Variants in PRIM2 observed in about 807,000 individuals in gnomAD.
PRIM2 encodes the protein DNA primase large subunit.
A neutral mutation model predicts 67.3 loss-of-function variants in PRIM2; 39 were observed. The ratio of observed to expected loss-of-function variants is 0.58; its 90% CI spans 0.45 to 0.76. The LOEUF (loss-of-function observed/expected upper bound fraction) is 0.76. PRIM2 is among the 30% of genes least tolerant of loss of function. PRIM2 has a pLI of 0.00. For missense variants in PRIM2, 398 were observed against 598.7 expected, an observed-to-expected ratio of 0.66 and a Z score of 3.50; for synonymous variants, 143 against 198.7, an observed-to-expected ratio of 0.72 and a Z score of 2.36.
At chr6:57,249,207 T>G in the PRIM2 span, among the ~76,000 whole-genome samples, 3 of 152,234 alleles carry the variant, frequency 2.0e-5, no homozygotes, top group African/African-American at 7.2e-5. Flanking sequence ...CTAAACTAGC[T>G]TTTCCTTTCC....
chr6:57,619,113 C>T (rs1205237980), intron 12 of PRIM2, among the ~76,000 whole-genome samples: 1 of 152,186 alleles, frequency 6.6e-6, no homozygotes, highest in Non-Finnish European at 1.5e-5. Context: ...GCAGAAACCC[C>T]CAGTACTACC....
chr6:57,531,216 G>A (rs1260915830), intron 8 of PRIM2, among the ~76,000 whole-genome samples: 1 of 152,140 alleles, frequency 6.6e-6, no homozygotes, highest in East Asian at 1.9e-4. Flanking sequence ...GCTCAGGCAT[G>A]ATCATGGCTC....
intron 5 of PRIM2, among the ~76,000 whole-genome samples, chr6:57,378,578 A>G (rs1461213511): frequency 6.6e-6 from 1 of 152,202 alleles, no homozygotes; most frequent in African/African-American, 2.4e-5. Context: ...ATTTGTAGGA[A>G]TACTTTGAGG....
At chr6:57,271,029 C>G in the PRIM2 span, among the ~76,000 whole-genome samples, 1 of 152,082 alleles carries the variant, frequency 6.6e-6, no homozygotes, top group African/African-American at 2.4e-5. Flanking sequence ...ATTTGGTTTG[C>G]CAGTATTTTA....
rs1319396324 is a variant in PRIM2 at position 57,486,310 on chromosome 6, G to T, written c.694-21077G>T. ...TTATTGGAACGTTAAGCTTGTGGGG[G>T]TTATTTATATCCTGCTCATGGTCAT... On this transcript the variant is annotated intron_variant, in intron 7 of 13. Transcript: ENST00000615550. Among the ~76,000 whole-genome samples, 4 of 152,206 alleles carry T rather than the reference G, an allele frequency of 2.6e-5. No homozygotes were observed. In the South Asian group the frequency reaches 8.3e-4, roughly 31 times the overall value.
intron 7 of PRIM2, among the ~76,000 whole-genome samples, chr6:57,397,429 G>C (rs75647598): frequency 6.6e-6 from 1 of 151,952 alleles, no homozygotes; most frequent in Non-Finnish European, 1.5e-5. Context: ...TCAAGCTCTG[G>C]TTTTCTTTCT....
intron 10 of PRIM2, among the ~76,000 whole-genome samples, chr6:57,593,030 T>C (rs1776308347): frequency 3.3e-5 from 5 of 152,168 alleles, no homozygotes. Flanking sequence ...GGGTTGGAAC[T>C]GGATAAAGGT....
chr6:57,337,785 A>T (rs1407580006), intron 5 of PRIM2, among the ~76,000 whole-genome samples: 5 of 152,244 alleles, frequency 3.3e-5, no homozygotes, highest in African/African-American at 1.2e-4. Flanking sequence ...ACACCCTAAC[A>T]TCACAATTAG....
chr6:57,234,916 T>C, the PRIM2 span, among the ~76,000 whole-genome samples: 1 of 152,218 alleles, frequency 6.6e-6, no homozygotes, highest in Non-Finnish European at 1.5e-5. Flanking sequence ...TTTATGCCTG[T>C]CATCTCAACG....
chr6:57,314,388 C>T (rs1049091432), upstream of PRIM2, among the ~76,000 whole-genome samples: 3 of 152,102 alleles, frequency 2.0e-5, no homozygotes, highest in East Asian at 1.9e-4. Context: ...TGGTGGCAGG[C>T]GCCTGTAATC....
At chr6:57,370,563 T>G (rs1351607144) in intron 5 of PRIM2, among the ~76,000 whole-genome samples, 2 of 152,136 alleles carry the variant, frequency 1.3e-5, no homozygotes, top group Non-Finnish European at 2.9e-5. Flanking sequence ...AAAACCAGAA[T>G]ATTTACTCAT....
At chr6:57,416,229 T>G (rs1771257653) in intron 7 of PRIM2, among the ~76,000 whole-genome samples, 1 of 152,256 alleles carries the variant, frequency 6.6e-6, no homozygotes, top group Admixed American at 6.5e-5. Context: ...ATGAAGACAC[T>G]AATCTCCTTG....
intron 10 of PRIM2, among the ~76,000 whole-genome samples, chr6:57,557,515 G>A (rs1424209223): frequency 4.1e-4 from 63 of 152,140 alleles, no homozygotes; most frequent in African/African-American, 1.4e-3. Context: ...ACTAATGCAG[G>A]AACAGAAAAT....
intron 10 of PRIM2, among the ~76,000 whole-genome samples, chr6:57,594,599 G>T (rs1411666657): frequency 6.6e-6 from 1 of 152,210 alleles, no homozygotes; most frequent in Non-Finnish European, 1.5e-5. Context: ...ATGGTGTTCA[G>T]AAAGGTGTTT....
the PRIM2 span, among the ~76,000 whole-genome samples, chr6:57,302,049 C>G: frequency 6.6e-6 from 1 of 152,192 alleles, no homozygotes; most frequent in Non-Finnish European, 1.5e-5. Context: ...TTCAGTCTCA[C>G]TCTTAGGGGT....
chr6:57,615,294 C>G (rs2127495477), intron 12 of PRIM2, among the ~76,000 whole-genome samples: 1 of 151,902 alleles, frequency 6.6e-6, no homozygotes, highest in South Asian at 2.1e-4. Context: ...AGGCATGCAC[C>G]TGTAGTGTCA....
At chr6:57,339,331 T>C (rs868005163) in intron 5 of PRIM2, among the ~76,000 whole-genome samples, 3 of 152,154 alleles carry the variant, frequency 2.0e-5, no homozygotes, top group Non-Finnish European at 4.4e-5. Context: ...CCAATGACTT[T>C]CTTCACAGAA....
chr6:57,336,936 C>A (rs1045777007), intron 5 of PRIM2, among the ~76,000 whole-genome samples: 3 of 151,970 alleles, frequency 2.0e-5, no homozygotes, highest in African/African-American at 7.2e-5. Context: ...AGAGTCAAGA[C>A]CCATCAGTGT....
At chr6:57,330,384 T>TTTTTG (rs1768018186) in intron 5 of PRIM2, among the ~76,000 whole-genome samples, 1 of 35,144 alleles carries the variant, frequency 2.8e-5, no homozygotes, top group African/African-American at 1.2e-4. Flanking sequence ...TGTTTTTTTG[T>TTTTTG]TTTTTTTTTT....
Sources: allele counts gnomAD v4.1 joint callset (sites outside exome capture counted in the v4.1 genomes callset), GRCh38; gene constraint gnomAD v4.1.1; transcripts MANE v1.5; gene names NCBI Gene and HGNC (gene_info 2026-07-23, HGNC 2026-07-21).